ASAP1: variants seen among roughly 807,000 people sequenced by gnomAD.
ASAP1 encodes the protein ArfGAP with SH3 domain, ankyrin repeat and PH domain 1.
In ASAP1, 43 loss-of-function variants were observed where a neutral mutation model predicts 145.2. The observed-to-expected ratio is 0.30, with a 90% CI of 0.23 to 0.38. The LOEUF (loss-of-function observed/expected upper bound fraction) is 0.38. Ranked by LOEUF, ASAP1 falls within the 10% of genes least tolerant of loss-of-function variation. The probability of loss-of-function intolerance (pLI) is 1.00; values close to 1 mark genes in which losing one functional copy is unlikely to be tolerated. For synonymous variants in ASAP1, 546 were observed against 515.5 expected (o/e 1.06, Z -0.80); for missense variants, 1,018 against 1,355.3 (o/e 0.75, Z 3.91).
At position 130,059,377 on chromosome 8, in the gene ASAP1, G is replaced by C. The variant is rs527944854; in HGVS notation, c.3192+1202C>G. On this transcript the variant is annotated intron_variant, in intron 28 of 29. Coordinates refer to ENST00000518721, the MANE Select transcript of ASAP1 (RefSeq NM_018482.4). ...GACGGTTTCTCTGTATGTTGCCCAG[G>C]CTGGTCATGAATCCTGGGCTCAAGG... Among the ~76,000 whole-genome samples, 4 of 152,158 alleles carry C rather than the reference G, an allele frequency of 2.6e-5. No homozygotes were observed. The South Asian group carries it at 8.3e-4, about 32-fold the overall frequency.
intron 3 of ASAP1, among the ~76,000 whole-genome samples, chr8:130,318,534 G>A (rs902102756): frequency 2.6e-5 from 4 of 152,214 alleles, no homozygotes; most frequent in African/African-American, 9.6e-5. Flanking sequence ...AACACAATGA[G>A]TCGGCAGGTG....
intron 1 of ASAP1, among the ~76,000 whole-genome samples, chr8:130,437,783 T>C (rs1252034990): frequency 6.6e-6 from 1 of 152,152 alleles, no homozygotes; most frequent in African/African-American, 2.4e-5. Flanking sequence ...CTTCCTGTTG[T>C]GCCCACGGCT....
intron 24 of ASAP1, among the ~76,000 whole-genome samples, chr8:130,102,229 G>A (rs927833205): frequency 6.6e-6 from 1 of 152,142 alleles, no homozygotes; most frequent in African/African-American, 2.4e-5. Context: ...ATTTAGATGT[G>A]AGTTTGTCAC....
intron 24 of ASAP1, among the ~76,000 whole-genome samples, chr8:130,106,442 C>G (rs544973537): frequency 6.6e-6 from 1 of 152,324 alleles, no homozygotes; most frequent in Admixed American, 6.5e-5. Context: ...CCTTTCTACT[C>G]TTCTTCCTAT....
At chr8:130,172,583 G>C (rs1442834175) in intron 9 of ASAP1, among the ~76,000 whole-genome samples, 1 of 151,950 alleles carries the variant, frequency 6.6e-6, no homozygotes, top group African/African-American at 2.4e-5. Flanking sequence ...GAAAAATTCT[G>C]TTCCTGAAGA....
chr8:130,397,203 C>T (rs111765853), intron 2 of ASAP1, among the ~76,000 whole-genome samples: 11,422 of 152,166 alleles, frequency 0.075, 463 homozygotes, highest in Middle Eastern at 0.12. Context: ...TGCAATGGCA[C>T]GATCTCAGCT....
chr8:130,260,949 G>T (rs550441668), intron 3 of ASAP1, among the ~76,000 whole-genome samples: 3 of 152,126 alleles, frequency 2.0e-5, no homozygotes, highest in Non-Finnish European at 2.9e-5. Context: ...TGTATTTCCA[G>T]GAAATTTCAA....
chr8:130,387,525 G>C (rs1341197619), intron 2 of ASAP1, among the ~76,000 whole-genome samples: 1 of 148,824 alleles, frequency 6.7e-6, no homozygotes, highest in East Asian at 2.0e-4. Flanking sequence ...GACAGAGTGA[G>C]ACTCCATCAA....
intron 3 of ASAP1, among the ~76,000 whole-genome samples, chr8:130,353,012 G>C (rs1050025619): frequency 6.6e-6 from 1 of 152,196 alleles, no homozygotes; most frequent in African/African-American, 2.4e-5. Context: ...CTAGCACACT[G>C]CTGGGCACAT....
intron 3 of ASAP1, among the ~76,000 whole-genome samples, chr8:130,256,485 G>C (rs748041162): frequency 6.6e-6 from 1 of 151,840 alleles, no homozygotes; most frequent in African/African-American, 2.4e-5. Flanking sequence ...GAGAAATACA[G>C]AGATAATCTT....
At chr8:130,424,454 C>G (rs1829837417) in intron 1 of ASAP1, among the ~76,000 whole-genome samples, 1 of 152,216 alleles carries the variant, frequency 6.6e-6, no homozygotes, top group Non-Finnish European at 1.5e-5. Context: ...ACAGTAACAG[C>G]TCTCTGACTT....
intron 2 of ASAP1, among the ~76,000 whole-genome samples, chr8:130,359,080 C>G (rs1231812965): frequency 2.0e-5 from 3 of 152,198 alleles, no homozygotes; most frequent in African/African-American, 7.2e-5. Context: ...CGCCCCATCT[C>G]TCTGCAGGGT....
chr8:130,062,281 T>G (rs747350558), intron 27 of ASAP1, among the ~76,000 whole-genome samples: 58 of 152,278 alleles, frequency 3.8e-4, no homozygotes, highest in Non-Finnish European at 6.2e-4. Flanking sequence ...ATATAACGTA[T>G]TCAGAAAGAC....
intron 3 of ASAP1, among the ~76,000 whole-genome samples, chr8:130,247,262 T>C (rs185272611): frequency 4.6e-5 from 7 of 152,308 alleles, no homozygotes; most frequent in Admixed American, 3.9e-4. Flanking sequence ...CTCCCCAGTA[T>C]TGATGATGAT....
chr8:130,055,872 G>A (rs995030982), intron 29 of ASAP1, among the ~76,000 whole-genome samples: 5 of 152,190 alleles, frequency 3.3e-5, no homozygotes, highest in African/African-American at 4.8e-5. Context: ...CCCACCCACC[G>A]CGTGTGGTCT....
At position 130,242,511 on chromosome 8, in the gene ASAP1, CTTG is replaced by C. The variant is rs1192602134; in HGVS notation, c.187-5520_187-5518del. 2.0e-5 allele frequency among the ~76,000 whole-genome samples: 3 copies of C among 151,996 alleles called. 1 individual carries two copies. Among genetic ancestry groups the C allele is most frequent in the Admixed American group, 2.0e-4 (3 of 15,248 alleles). The stretch of plus-strand genomic sequence containing the variant: ...AGACTCTGATTACTTCAGCCTTGAG[CTTG>C]TTGGGCAATCATGCTACCTTGATGG... On this transcript the variant is annotated intron_variant, in intron 3 of 29. Transcript: ENST00000518721.
At chr8:130,255,856 T>G (rs1819480454) in intron 3 of ASAP1, among the ~76,000 whole-genome samples, 1 of 152,192 alleles carries the variant, frequency 6.6e-6, no homozygotes, top group Admixed American at 6.5e-5. Context: ...AAATTACATG[T>G]GAGTGCAATT....
chr8:130,152,590 C>CTTTT, intron 13 of ASAP1, 146 bp downstream of exon 13: 3 of 416,118 alleles, frequency 7.2e-6, no homozygotes, highest in South Asian at 7.0e-5. Flanking sequence ...CAAGATAAAA[C>CTTTT]TTTTTTTTTT....
intron 9 of ASAP1, 123 bp from the exon 10 acceptor site, chr8:130,169,190 A>AT (rs1813412087): frequency 1.8e-6 from 1 of 550,890 alleles, no homozygotes; most frequent in African/African-American, 1.9e-5. Context: ...ACTTATCTGT[A>AT]TATATATACT....
Sources: allele counts gnomAD v4.1 joint callset (sites outside exome capture counted in the v4.1 genomes callset), GRCh38; gene constraint gnomAD v4.1.1; transcripts MANE v1.5; gene names NCBI Gene and HGNC (gene_info 2026-07-23, HGNC 2026-07-21).